The following SDK1 variants were observed in gnomAD, a reference collection of about 807,000 sequenced individuals.
SDK1 encodes the protein sidekick cell adhesion molecule 1, also known as protein sidekick-1.
A neutral mutation model predicts 245.5 loss-of-function variants in SDK1; 157 were observed. That is an observed-to-expected ratio of 0.64 (90% CI 0.56 to 0.73). The LOEUF (loss-of-function observed/expected upper bound fraction) is 0.73. Among genes scored for constraint, SDK1 ranks in the 30% least tolerant of loss-of-function variants. The pLI is 0.00. For missense variants in SDK1, 3,583 were observed against 3,002.3 expected, an observed-to-expected ratio of 1.19 and a Z score of -4.52; for synonymous variants, 1,647 against 1,278.5, an observed-to-expected ratio of 1.29 and a Z score of -6.15.
chr7:3,892,001 G>T (rs573469449), intron 5 of SDK1, among the ~76,000 whole-genome samples: 1 of 152,136 alleles, frequency 6.6e-6, no homozygotes, highest in East Asian at 1.9e-4. Flanking sequence ...AACAAGTTTA[G>T]TTAGGCCAAT....
At chr7:3,315,179 T>G (rs1031175365) in intron 1 of SDK1, among the ~76,000 whole-genome samples, 3 of 152,172 alleles carry the variant, frequency 2.0e-5, no homozygotes, top group Non-Finnish European at 4.4e-5. Flanking sequence ...TAGCTCTAAT[T>G]GACATGGAAG....
At chr7:4,150,258 G>C (rs1315128085) in intron 30 of SDK1, among the ~76,000 whole-genome samples, 1 of 152,154 alleles carries the variant, frequency 6.6e-6, no homozygotes, top group Non-Finnish European at 1.5e-5. Flanking sequence ...GGCCACCCGG[G>C]ACACCCGCCT....
chr7:3,752,970 C>T (rs1015071917), intron 4 of SDK1, among the ~76,000 whole-genome samples: 1 of 152,106 alleles, frequency 6.6e-6, no homozygotes, highest in African/African-American at 2.4e-5. Flanking sequence ...TCCATCCCTC[C>T]CAAATTGCTA....
In SDK1 at chr7:4,208,247, C is replaced by T. The variant is rs947194619; in HGVS notation, c.5363C>T (p.Pro1788Leu). ...GCCTTCAACGCCGCCGGAGATGGAC[C>T]TAAGAGTGACCCCCAGCAGGGGCGC... is the stretch of plus-strand genomic sequence containing the variant. ...ISAFNAAGDG[P>L]KSDPQQGRTH... The change falls in exon 37 of 45, where the codon CCT (proline) becomes CTT (leucine). Residue 1788 changes from proline (P) to leucine (L), a missense_variant. Transcript: ENST00000404826. The T allele has an allele frequency of 6.2e-7, 1 of 1,613,882 alleles. No homozygotes were observed. The highest frequency in any genetic ancestry group is 8.5e-7 in the Non-Finnish European group (1 of 1,179,958).
intron 1 of SDK1, among the ~76,000 whole-genome samples, chr7:3,400,096 G>T (rs1346600094): frequency 6.6e-6 from 1 of 151,732 alleles, no homozygotes; most frequent in Admixed American, 6.6e-5. Flanking sequence ...CGCTTTTGGG[G>T]AAGTCTGAAC....
intron 5 of SDK1, among the ~76,000 whole-genome samples, chr7:3,945,423 T>A (rs1004406216): frequency 1.3e-5 from 2 of 152,026 alleles, no homozygotes; most frequent in African/African-American, 2.4e-5. Context: ...AGAAAAAAGA[T>A]CCCAGAGGAA....
At chr7:3,579,760 A>G (rs983993910) in intron 1 of SDK1, among the ~76,000 whole-genome samples, 1 of 152,182 alleles carries the variant, frequency 6.6e-6, no homozygotes, top group African/African-American at 2.4e-5. Flanking sequence ...GCAATTCCCC[A>G]AAGAGGTAAA....
At chr7:3,463,697 C>T (rs1052814716) in intron 1 of SDK1, among the ~76,000 whole-genome samples, 1 of 152,172 alleles carries the variant, frequency 6.6e-6, no homozygotes, top group African/African-American at 2.4e-5. Context: ...GGGCTTAGGC[C>T]TTGTGAGGAG....
At chr7:4,186,367 G>C (rs1782895643) in intron 35 of SDK1, among the ~76,000 whole-genome samples, 1 of 152,154 alleles carries the variant, frequency 6.6e-6, no homozygotes, top group Non-Finnish European at 1.5e-5. Context: ...CGGCTGCTGG[G>C]ACCCCTCGTG....
intron 22 of SDK1, among the ~76,000 whole-genome samples, chr7:4,080,284 C>T (rs141332094): frequency 7.9e-5 from 12 of 152,102 alleles, no homozygotes; most frequent in African/African-American, 2.2e-4. Flanking sequence ...TGCTGGAGCA[C>T]GCAGGGGTCC....
At chr7:4,211,782 T>C (rs1214847941) in intron 38 of SDK1, among the ~76,000 whole-genome samples, 1 of 152,192 alleles carries the variant, frequency 6.6e-6, no homozygotes, top group Non-Finnish European at 1.5e-5. Flanking sequence ...GCTAACTTTT[T>C]GTATTTTTAG....
chr7:3,490,495 G>C (rs1250638513), intron 1 of SDK1, among the ~76,000 whole-genome samples: 1 of 152,104 alleles, frequency 6.6e-6, no homozygotes, highest in Admixed American at 6.6e-5. Flanking sequence ...TCATTTTAAA[G>C]ATTACCATTC....
intron 1 of SDK1, among the ~76,000 whole-genome samples, chr7:3,383,343 T>C (rs59986956): frequency 0.16 from 24,221 of 152,042 alleles, 2,680 homozygotes; most frequent in African/African-American, 0.32. Flanking sequence ...CCCCAGAGGT[T>C]AAGATTGCAG....
intron 1 of SDK1, among the ~76,000 whole-genome samples, chr7:3,610,856 C>G (rs1323126752): frequency 6.6e-6 from 1 of 152,240 alleles, no homozygotes; most frequent in Non-Finnish European, 1.5e-5. Context: ...CCTGCTTTCT[C>G]TGTTTTCACA....
At chr7:3,791,754 C>T (rs1334983645) in intron 4 of SDK1, among the ~76,000 whole-genome samples, 2 of 152,144 alleles carry the variant, frequency 1.3e-5, no homozygotes, top group Non-Finnish European at 1.5e-5. Flanking sequence ...TCGGAGAGTG[C>T]TCTATGGATG....
At chr7:3,383,468 G>T (rs1781539329) in intron 1 of SDK1, among the ~76,000 whole-genome samples, 1 of 152,112 alleles carries the variant, frequency 6.6e-6, no homozygotes. Context: ...TCAATAAAAG[G>T]ATAAAAAGAT....
At chr7:4,170,664 G>C (rs1584357222) in intron 32 of SDK1, among the ~76,000 whole-genome samples, 2 of 152,244 alleles carry the variant, frequency 1.3e-5, no homozygotes, top group Admixed American at 1.3e-4. Flanking sequence ...TAAAGACTAA[G>C]AGTAAAACAA....
At chr7:3,570,916 G>T (rs1780094237) in intron 1 of SDK1, among the ~76,000 whole-genome samples, 1 of 150,738 alleles carries the variant, frequency 6.6e-6, no homozygotes, top group African/African-American at 2.4e-5. Flanking sequence ...CTTTAATCCA[G>T]GGTGATTTAT....
At chr7:4,212,159 C>T (rs746004314) in intron 38 of SDK1, among the ~76,000 whole-genome samples, 5 of 152,200 alleles carry the variant, frequency 3.3e-5, no homozygotes, top group African/African-American at 1.2e-4. Flanking sequence ...CAAAGAATAT[C>T]GGCGCTCCAT....
Sources: allele counts gnomAD v4.1 joint callset (sites outside exome capture counted in the v4.1 genomes callset), GRCh38; gene constraint gnomAD v4.1.1; transcripts MANE v1.5; gene names NCBI Gene and HGNC (gene_info 2026-07-23, HGNC 2026-07-21).